The following LOC400499 variants were observed in gnomAD, a reference collection of about 807,000 sequenced individuals.
At chr16:11,491,154 G>GA in the LOC400499 span, among the ~76,000 whole-genome samples, 2 of 152,212 alleles carry the variant, frequency 1.3e-5, no homozygotes, top group Admixed American at 6.5e-5. Context: ...AGGCATACAG[G>GA]AAGGAAGAGG....
chr16:11,383,604 C>G, the LOC400499 span: 16 of 1,232,284 alleles, frequency 1.3e-5, no homozygotes, highest in South Asian at 4.1e-5. Flanking sequence ...AGGCAGATGC[C>G]AGACGGGGCA....
chr16:11,498,740 C>G, the LOC400499 span, among the ~76,000 whole-genome samples: 1 of 151,658 alleles, frequency 6.6e-6, no homozygotes, highest in Non-Finnish European at 1.5e-5. Context: ...ACATGTGAGG[C>G]AGGTAGAGGA....
chr16:11,525,598 C>T, the LOC400499 span, among the ~76,000 whole-genome samples: 1 of 152,112 alleles, frequency 6.6e-6, no homozygotes, highest in African/African-American at 2.4e-5. Flanking sequence ...TGTGCGTAAT[C>T]ATTACGTTCT....
chr16:11,416,838 G>A, the LOC400499 span, among the ~76,000 whole-genome samples: 1 of 152,128 alleles, frequency 6.6e-6, no homozygotes, highest in Non-Finnish European at 1.5e-5. Context: ...GCGTGTTGAA[G>A]AATAGCAAGG....
the LOC400499 span, among the ~76,000 whole-genome samples, chr16:11,424,636 C>A: frequency 1.3e-5 from 2 of 152,244 alleles, no homozygotes; most frequent in Non-Finnish European, 2.9e-5. Flanking sequence ...ACTTCCAGCT[C>A]CCCGAGGAAA....
the LOC400499 span, among the ~76,000 whole-genome samples, chr16:11,483,438 G>A: frequency 6.6e-6 from 1 of 152,234 alleles, no homozygotes; most frequent in Admixed American, 6.5e-5. Flanking sequence ...ACAAACTGTG[G>A]TATATCTATA....
At chr16:11,449,180 T>C in the LOC400499 span, 1 of 1,268,356 alleles carries the variant, frequency 7.9e-7, no homozygotes, top group South Asian at 2.2e-5. Flanking sequence ...CCCTTTCATC[T>C]CTTTCCTGCT....
the LOC400499 span, among the ~76,000 whole-genome samples, chr16:11,421,343 T>C: frequency 1.3e-5 from 2 of 152,116 alleles, no homozygotes; most frequent in East Asian, 3.9e-4. Flanking sequence ...AGACCAGGGG[T>C]TGCAAACTGG....
the LOC400499 span, among the ~76,000 whole-genome samples, chr16:11,458,445 CA>C: frequency 6.7e-6 from 1 of 149,476 alleles, no homozygotes; most frequent in African/African-American, 2.5e-5. Flanking sequence ...GCGGAGGTTG[CA>C]GTGAGCCAAG....
At chr16:11,434,628 G>C in the LOC400499 span, among the ~76,000 whole-genome samples, 1 of 152,238 alleles carries the variant, frequency 6.6e-6, no homozygotes, top group South Asian at 2.1e-4. Context: ...GAGAGCAGCA[G>C]AAAAGAGTTT....
At chr16:11,419,231 G>C in the LOC400499 span, among the ~76,000 whole-genome samples, 1 of 151,934 alleles carries the variant, frequency 6.6e-6, no homozygotes, top group African/African-American at 2.4e-5. Flanking sequence ...AAAACAGCAT[G>C]GTACTGGTAC....
At chr16:11,397,391 A>G in the LOC400499 span, among the ~76,000 whole-genome samples, 1 of 152,066 alleles carries the variant, frequency 6.6e-6, no homozygotes, top group Non-Finnish European at 1.5e-5. Context: ...CTCCTACCTC[A>G]GCCTCCTGAG....
the LOC400499 span, among the ~76,000 whole-genome samples, chr16:11,467,908 C>A: frequency 1.3e-5 from 2 of 152,020 alleles, no homozygotes; most frequent in Non-Finnish European, 2.9e-5. Context: ...TGAGGGTGAA[C>A]CCTAATCCCG....
the LOC400499 span, among the ~76,000 whole-genome samples, chr16:11,393,870 G>T: frequency 6.6e-6 from 1 of 152,176 alleles, no homozygotes; most frequent in African/African-American, 2.4e-5. Flanking sequence ...TTGAGCCCAG[G>T]AGTTTCAGAC....
chr16:11,466,573 G>C, the LOC400499 span, among the ~76,000 whole-genome samples: 1,393 of 152,102 alleles, frequency 9.2e-3, 22 homozygotes, highest in African/African-American at 0.032. Flanking sequence ...ATTTTTGGTA[G>C]AGACGGGGTT....
At chr16:11,438,828 C>T in the LOC400499 span, among the ~76,000 whole-genome samples, 1 of 152,022 alleles carries the variant, frequency 6.6e-6, no homozygotes, top group South Asian at 2.1e-4. Flanking sequence ...GGTGCGGTGG[C>T]TCATGCCTGT....
At chr16:11,375,380 C>T in the LOC400499 span, among the ~76,000 whole-genome samples, 2 of 137,964 alleles carry the variant, frequency 1.4e-5, no homozygotes. Context: ...GTGGCGGGAC[C>T]TCAGCTCACT....
the LOC400499 span, among the ~76,000 whole-genome samples, chr16:11,382,670 C>T: frequency 5.9e-4 from 90 of 152,166 alleles, 1 homozygote; most frequent in African/African-American, 1.8e-3. Context: ...TGAGGCTGGG[C>T]GTGGTGGCTC....
chr16:11,387,226 C>T, the LOC400499 span: 1 of 1,232,340 alleles, frequency 8.1e-7, no homozygotes, highest in Non-Finnish European at 1.0e-6. Flanking sequence ...GGTAGCTGGT[C>T]ACCCGGGCCA....
Sources: allele counts gnomAD v4.1 joint callset (sites outside exome capture counted in the v4.1 genomes callset), GRCh38; gene constraint gnomAD v4.1.1; transcripts MANE v1.5.